MCUB: variants seen among roughly 807,000 people sequenced by gnomAD.
The protein encoded by MCUB is calcium uniporter regulatory subunit MCUb, mitochondrial.
In MCUB, 46 loss-of-function variants were observed where a neutral mutation model predicts 41.4. That is an observed-to-expected ratio of 1.11 (90% CI 0.88 to 1.42). MCUB has a LOEUF of 1.42. Among genes scored for constraint, MCUB ranks in the 40% most tolerant of loss-of-function variants. MCUB has a pLI of 0.00. For missense variants in MCUB, 403 were observed against 404.9 expected, an observed-to-expected ratio of 1.00 and a Z score of 0.04; for synonymous variants, 148 against 148.2, an observed-to-expected ratio of 1.00 and a Z score of 0.01.
rs1729901143 is a variant in MCUB at position 109,688,287 on chromosome 4, C to G, written c.*695C>G. Reference sequence around the variant, plus strand: ...TATATCATATTAATAAGAATTGAACCTTGAAAGTAACATCTGTTATTCTAT... The same window carrying G: ...TATATCATATTAATAAGAATTGAACGTTGAAAGTAACATCTGTTATTCTAT... On this transcript the variant is annotated 3_prime_UTR_variant, in exon 8 of 8. Coordinates refer to ENST00000394650, the MANE Select transcript of MCUB (RefSeq NM_017918.5). 6.6e-6 allele frequency: 1 copy of G among 152,154 alleles called. No individual in the cohort carries two copies. Among genetic ancestry groups the G allele is most frequent in the Non-Finnish European group, 1.5e-5 (1 of 68,048 alleles). The allele number at this position is 152,154 out of a possible 1,614,324, so 9.4% of individuals were successfully genotyped here. A position where few individuals can be genotyped will look rare whatever the true frequency, so the allele number is the denominator to read the frequency against.
intron 1 of MCUB, among the ~76,000 whole-genome samples, chr4:109,646,678 C>T (rs1728845320): frequency 1.3e-5 from 2 of 152,202 alleles, no homozygotes; most frequent in Non-Finnish European, 1.5e-5. Context: ...CCAGTCTCAT[C>T]TCACTCCCCG....
chr4:109,641,242 G>A (rs963520679), intron 1 of MCUB, among the ~76,000 whole-genome samples: 2 of 150,394 alleles, frequency 1.3e-5, no homozygotes, highest in South Asian at 2.1e-4. Flanking sequence ...ATGGGCGCCC[G>A]CCATAACACC....
At chr4:109,652,239 A>C (rs1230874697) in intron 1 of MCUB, among the ~76,000 whole-genome samples, 1 of 152,214 alleles carries the variant, frequency 6.6e-6, no homozygotes, top group Non-Finnish European at 1.5e-5. Flanking sequence ...CTAGGGGTTA[A>C]GACTTCAATA....
At chr4:109,673,447 C>T (rs1322246020) in intron 4 of MCUB, among the ~76,000 whole-genome samples, 1 of 152,174 alleles carries the variant, frequency 6.6e-6, no homozygotes, top group Non-Finnish European at 1.5e-5. Context: ...GCAGAAGCCT[C>T]CCTGGAGATG....
At chr4:109,560,541 C>G in intron 1 of MCUB, 105 bp downstream of exon 1, 1 of 536,056 alleles carries the variant, frequency 1.9e-6, no homozygotes. Context: ...CAGTCAACTG[C>G]GTTTTGCTGG....
At position 109,603,248 on chromosome 4, in the gene MCUB, G is replaced by A. The variant is rs375898788; in HGVS notation, c.99+42812G>A. 9.9e-5 allele frequency among the ~76,000 whole-genome samples: 15 copies of A among 152,240 alleles called. 1 individual carries two copies. The highest frequency in any genetic ancestry group is 3.9e-4 in the East Asian group (2 of 5,172). On this transcript the variant is annotated intron_variant, in intron 1 of 7. Coordinates refer to ENST00000394650, the MANE Select transcript of MCUB (RefSeq NM_017918.5). The stretch of plus-strand genomic sequence containing the variant: ...GTGCCTGGGATTGCAGGCGCGCGCC[G>A]CCACGCCTGACTGGTTTTTGTATTT...
chr4:109,664,978 A>G, intron 4 of MCUB, among the ~76,000 whole-genome samples: 1 of 152,172 alleles, frequency 6.6e-6, no homozygotes. Flanking sequence ...AAGCAGTTTT[A>G]GGTTCAAAGC....
intron 1 of MCUB, among the ~76,000 whole-genome samples, chr4:109,599,313 C>T (rs1262429382): frequency 6.6e-6 from 1 of 152,104 alleles, no homozygotes; most frequent in Non-Finnish European, 1.5e-5. Flanking sequence ...TCCTCTTCAG[C>T]CTCCTTTGGC....
chr4:109,586,962 C>A (rs1434736070), intron 1 of MCUB, among the ~76,000 whole-genome samples: 1 of 152,226 alleles, frequency 6.6e-6, no homozygotes, highest in South Asian at 2.1e-4. Flanking sequence ...GCTCAAACAC[C>A]GTGCTGGGAG....
intron 3 of MCUB, 99 bp from the exon 4 acceptor site, chr4:109,664,191 A>G (rs1729292589): frequency 4.3e-6 from 3 of 698,772 alleles, no homozygotes; most frequent in Non-Finnish European, 7.8e-6. Context: ...GTCCACTATT[A>G]TATTGTAAAG....
chr4:109,645,900 T>C (rs1249128838), intron 1 of MCUB, among the ~76,000 whole-genome samples: 1 of 152,158 alleles, frequency 6.6e-6, no homozygotes. Flanking sequence ...ATGTTTTCCC[T>C]TTACTCCCTT....
chr4:109,683,027 C>G (rs1729755133), intron 5 of MCUB: 1 of 270,664 alleles, frequency 3.7e-6, no homozygotes, highest in Non-Finnish European at 6.9e-6. Context: ...CTCCAGAGAT[C>G]AGTCATAATG....
At chr4:109,659,314 G>A (rs1729174336) in intron 2 of MCUB, among the ~76,000 whole-genome samples, 1 of 151,976 alleles carries the variant, frequency 6.6e-6, no homozygotes, top group Admixed American at 6.6e-5. Context: ...AGCAATAGTC[G>A]GGTGGGTGTG....
chr4:109,610,349 G>A (rs1244293878), intron 1 of MCUB, among the ~76,000 whole-genome samples: 1 of 151,984 alleles, frequency 6.6e-6, no homozygotes, highest in African/African-American at 2.4e-5. Flanking sequence ...TGTTCCTGTT[G>A]GAGGTTGGGG....
At chr4:109,658,024 C>G (rs1156577881) in intron 1 of MCUB, among the ~76,000 whole-genome samples, 3 of 152,192 alleles carry the variant, frequency 2.0e-5, no homozygotes. Context: ...GACAGGGTCT[C>G]ACTGTGTCGG....
At chr4:109,615,486 A>G (rs1237234039) in intron 1 of MCUB, among the ~76,000 whole-genome samples, 4 of 151,300 alleles carry the variant, frequency 2.6e-5, no homozygotes, top group Non-Finnish European at 1.5e-5. Context: ...GCTCACTGCA[A>G]CCTCCGTCTG....
intron 1 of MCUB, among the ~76,000 whole-genome samples, chr4:109,601,864 A>G (rs987580287): frequency 2.0e-5 from 3 of 152,344 alleles, no homozygotes; most frequent in African/African-American, 7.2e-5. Flanking sequence ...ACAATGTATA[A>G]GGGCTCCCTC....
chr4:109,650,477 AT>A (rs989119144), intron 1 of MCUB, among the ~76,000 whole-genome samples: 15 of 151,896 alleles, frequency 9.9e-5, no homozygotes, highest in Admixed American at 8.5e-4. Flanking sequence ...TGAATTATTA[AT>A]TTTTTTTACC....
intron 1 of MCUB, among the ~76,000 whole-genome samples, chr4:109,644,884 TGG>T (rs914508642): frequency 1.3e-5 from 2 of 152,352 alleles, no homozygotes; most frequent in African/African-American, 4.8e-5. Context: ...CAAACTTCTT[TGG>T]GGAATTTTTT....
Sources: allele counts gnomAD v4.1 joint callset (sites outside exome capture counted in the v4.1 genomes callset), GRCh38; gene constraint gnomAD v4.1.1; transcripts MANE v1.5; gene names NCBI Gene and HGNC (gene_info 2026-07-23, HGNC 2026-07-21).